SYNM: variants seen among roughly 807,000 people sequenced by gnomAD.
SYNM encodes the protein synemin, also known as desmuslin.
SYNM carries 95 observed loss-of-function variants against 104.0 expected under a neutral mutation model. The observed-to-expected ratio is 0.91, with a 90% confidence interval of 0.77 to 1.08. The LOEUF (loss-of-function observed/expected upper bound fraction) is 1.08, where lower values mean the gene tolerates loss of function less well. SYNM is among the 50% of genes least tolerant of loss of function. The probability of loss-of-function intolerance (pLI) is 0.00; values close to 1 mark genes in which losing one functional copy is unlikely to be tolerated. For synonymous variants in SYNM, 918 were observed against 869.0 expected, an observed-to-expected ratio of 1.06 and a Z score of -0.99; for missense variants, 2,150 against 2,052.2, an observed-to-expected ratio of 1.05 and a Z score of -0.92.
In SYNM at chr15:99,132,372, G is replaced by T; in HGVS notation, c.4012G>T (p.Asp1338Tyr). 1 of 1,613,950 alleles carries T rather than the reference G, an allele frequency of 6.2e-7. No individual in the cohort carries two copies. The highest frequency in any genetic ancestry group is 1.1e-5 in the South Asian group (1 of 91,060). Residue 1338 changes from aspartate to tyrosine, a missense_variant, in exon 4 of 4, where the codon GAC (aspartate) becomes TAC (tyrosine). Physicochemically the swap from Asp to Tyr is radical, Grantham distance 160. Coordinates refer to ENST00000336292, the MANE Select transcript of SYNM (RefSeq NM_145728.3). ...GLVPQLGESG[D>Y]SESTVHGEGS... Reference sequence around the variant, plus strand: ...GGTTCCCCAACTGGGGGAATCTGGTGACTCAGAGAGCACTGTGCACGGAGA... The same window carrying T: ...GGTTCCCCAACTGGGGGAATCTGGTTACTCAGAGAGCACTGTGCACGGAGA...
chr15:99,119,917 C>G (rs1555484349), intron 2 of SYNM, among the ~76,000 whole-genome samples: 1 of 152,228 alleles, frequency 6.6e-6, no homozygotes, highest in Non-Finnish European at 1.5e-5. Flanking sequence ...CATCATCCAT[C>G]TTACTTTCTG....
At chr15:99,107,959 TTTGG>T (rs201315432) in intron 1 of SYNM, among the ~76,000 whole-genome samples, 53,712 of 141,914 alleles carry the variant, frequency 0.38, 9,901 homozygotes, top group African/African-American at 0.53. Context: ...TTGTTTTTTT[TTTGG>T]TTTTGGTTTT....
intron 1 of SYNM, among the ~76,000 whole-genome samples, chr15:99,112,238 T>C (rs1194099338): frequency 1.3e-5 from 2 of 152,226 alleles, no homozygotes; most frequent in Non-Finnish European, 2.9e-5. Flanking sequence ...TCTACAAAGA[T>C]AAATGTTTAT....
rs540148240 is a variant in SYNM, at chr15:99,130,806, G to T, written c.2446G>T (p.Glu816Ter). The stretch of plus-strand genomic sequence containing the variant: ...GCCTCAGGAGAACACGACTCACGTG[G>T]AAGAAGTGACAGAGGCAGGTGATTC... Reference protein sequence around the residue: ...KQPQENTTHVEEVTEAGDSEG... With the variant: ...KQPQENTTHV The change falls in exon 4 of 4, where the codon GAA (glutamate) becomes TAA (stop). Residue 816 changes from glutamate to a stop codon, truncating the protein, a stop_gained. Transcript: ENST00000336292. LOFTEE classifies it high-confidence loss of function. 6.2e-7 allele frequency: 1 copy of T among 1,614,000 alleles called. No individual in the cohort carries two copies. Among genetic ancestry groups the T allele is most frequent in the Non-Finnish European group, 8.5e-7 (1 of 1,179,888 alleles).
Position 99,131,224 on chromosome 15 carries a change from A to G in SYNM, c.2864A>G (p.Gln955Arg). ...CAGCAGCTGGTGGAGGTCATCGGGC[A>G]GCTGGAGGAAACCCTTCCCGAGCGC... ...PRQQLVEVIG[Q>R]LEETLPERMR... The change falls in exon 4 of 4, where the codon CAG (glutamine) becomes CGG (arginine). Residue 955 changes from glutamine (Q) to arginine (R), a missense_variant. Physicochemically the swap from Gln to Arg is conservative, Grantham distance 43. Coordinates refer to ENST00000336292, the MANE Select transcript of SYNM (RefSeq NM_145728.3). This position sits in a 1 kb window ranked among gnomAD's most constrained non-coding sequence, Gnocchi z 4.3. 6.2e-7 allele frequency: 1 copy of G among 1,609,238 alleles called. No homozygotes were observed. Among genetic ancestry groups the G allele is most frequent in the Non-Finnish European group, 8.5e-7 (1 of 1,177,992 alleles).
In SYNM at chr15:99,132,155, C is replaced by T; in HGVS notation, c.3795C>T (p.Leu1265=). ...GTACCCAGACTTCTGTCAGGCAACT[C>T]CAGTTAGGCCCTAAAGAAGGGTTCA... The part of the protein sequence containing the change: ...SVGTQTSVRQ[L]QLGPKEGFSG... Residue 1265 remains leucine, a synonymous_variant, in exon 4 of 4, where the codon CTC becomes CTT. Coordinates refer to ENST00000336292, the MANE Select transcript of SYNM (RefSeq NM_145728.3). 6.2e-7 allele frequency: 1 copy of T among 1,613,934 alleles called. No homozygotes were observed. Among genetic ancestry groups the T allele is most frequent in the South Asian group, 1.1e-5 (1 of 91,082 alleles).
At chr15:99,137,810 A>T, downstream of SYNM, 1 of 786,366 alleles carries the variant, frequency 1.3e-6, no homozygotes, top group East Asian at 2.8e-5. Flanking sequence ...TTTATAGCAT[A>T]TATCACCCTG....
At position 99,105,164 on chromosome 15, in the gene SYNM, G is replaced by A; in HGVS notation, c.-36G>A. 6.4e-7 allele frequency: 1 copy of A among 1,556,318 alleles called. No homozygotes were observed. The highest frequency in any genetic ancestry group is 1.2e-5 in the South Asian group (1 of 85,204). ...CGGGACAAGACCAGGGCAGGAGGGA[G>A]CCGGCCAGCCGCGAGAACCCCGCAC... On this transcript the variant is annotated 5_prime_UTR_variant, in exon 1 of 4. Transcript: ENST00000336292.
chr15:99,138,996 C>T (rs1385114308), downstream of SYNM: 12 of 412,368 alleles, frequency 2.9e-5, no homozygotes, highest in African/African-American at 1.4e-4. Flanking sequence ...AGAGGGAAGC[C>T]GGAAGCAGGG....
Position 99,126,770 on chromosome 15 carries a change from G to A in SYNM, c.984G>A (p.Glu328=), listed in dbSNP as rs1555485069. 1.3e-6 allele frequency: 2 copies of A among 1,577,686 alleles called. No individual in the cohort carries two copies. The highest frequency in any genetic ancestry group is 1.3e-5 in the African/African-American group (1 of 74,272). The part of the protein sequence containing the change: ...ESNPEIVIWA[E]HVENMPSEFR... Reference sequence around the variant, plus strand: ...ATCCAGAGATAGTGATCTGGGCTGAGCACGTTGAAAACATGCCGTCAGGTA... The same window carrying A: ...ATCCAGAGATAGTGATCTGGGCTGAACACGTTGAAAACATGCCGTCAGGTA... The change falls in exon 3 of 4, where the codon GAG becomes GAA. Residue 328 remains glutamate, a synonymous_variant. Coordinates refer to ENST00000336292, the MANE Select transcript of SYNM (RefSeq NM_145728.3).
downstream of SYNM, chr15:99,139,591 A>G (rs2067980899): frequency 6.5e-6 from 10 of 1,536,496 alleles, no homozygotes; most frequent in Non-Finnish European, 8.8e-6. Context: ...GCAAAAGTGA[A>G]CAGTTTTAGC....
chr15:99,105,770 G>T lies in SYNM; in HGVS notation c.571G>T (p.Val191Leu), dbSNP rs112146171. The change falls in exon 1 of 4, where the codon GTG becomes TTG. Residue 191 changes from valine (V) to leucine (L), a missense_variant. Physicochemically the swap from Val to Leu is conservative, Grantham distance 32 (BLOSUM62 1). Coordinates refer to ENST00000336292, the MANE Select transcript of SYNM (RefSeq NM_145728.3). Reference protein sequence around the residue: ...REVHDSYALLVAESWRETVQL... With the variant: ...REVHDSYALLLAESWRETVQL... Reference sequence around the variant, plus strand: ...GGTGCACGACAGCTACGCACTGCTGGTGGCCGAGTCGTGGCGGGAGACGGT... The same window carrying T: ...GGTGCACGACAGCTACGCACTGCTGTTGGCCGAGTCGTGGCGGGAGACGGT... The T allele has an allele frequency of 3.8e-5, 59 of 1,541,826 alleles. No homozygotes were observed. The highest frequency in any genetic ancestry group is 5.0e-5 in the Non-Finnish European group (57 of 1,144,980).
At chr15:99,111,311 A>G (rs58085631) in intron 1 of SYNM, among the ~76,000 whole-genome samples, 19,847 of 152,266 alleles carry the variant, frequency 0.13, 1,617 homozygotes, top group East Asian at 0.44. Flanking sequence ...TGTAATAGTT[A>G]TGTCAAATTT....
chr15:99,107,052 C>T (rs188758066), intron 1 of SYNM, among the ~76,000 whole-genome samples: 201 of 152,280 alleles, frequency 1.3e-3, no homozygotes, highest in Non-Finnish European at 2.3e-3. Flanking sequence ...GTTGATTCTC[C>T]CTGGGTCCCC....
chr15:99,117,297 C>T (rs1315461762), intron 2 of SYNM, among the ~76,000 whole-genome samples: 3 of 152,190 alleles, frequency 2.0e-5, no homozygotes, highest in Non-Finnish European at 2.9e-5. Context: ...GTCTCGTGCC[C>T]GTGGTCATCC....
At chr15:99,139,456 AC>A (rs782072176), downstream of SYNM, 1 of 1,610,908 alleles carries the variant, frequency 6.2e-7, no homozygotes, top group South Asian at 1.1e-5. Flanking sequence ...AGAGCAGGAA[AC>A]TAAGGTCTCC....
chr15:99,126,884 G>A, intron 3 of SYNM, 92 bp downstream of exon 3: 1 of 1,126,874 alleles, frequency 8.9e-7, no homozygotes, highest in Non-Finnish European at 1.2e-6. Context: ...GGGAAGAACG[G>A]GTTAGATATG....
chr15:99,125,996 A>G (rs1342669295), intron 2 of SYNM, among the ~76,000 whole-genome samples: 3 of 152,246 alleles, frequency 2.0e-5, no homozygotes, highest in African/African-American at 4.8e-5. Flanking sequence ...TGGCGCAGAC[A>G]TAGTCAAAGA....
Position 99,133,370 on chromosome 15 carries a change from C to T in SYNM, c.*312C>T. Reference sequence around the variant, plus strand: ...TGCACCTGGTCACAGACATGGCTTGCATCTGTTTGAAACTACAATTAATTA... The same window carrying T: ...TGCACCTGGTCACAGACATGGCTTGTATCTGTTTGAAACTACAATTAATTA... On this transcript the variant is annotated 3_prime_UTR_variant, in exon 4 of 4. Coordinates refer to ENST00000336292, the MANE Select transcript of SYNM (RefSeq NM_145728.3). 3.0e-6 allele frequency: 1 copy of T among 331,366 alleles called. No individual in the cohort carries two copies. The highest frequency in any genetic ancestry group is 5.5e-6 in the Non-Finnish European group (1 of 181,004). 20.5% of individuals were successfully genotyped at this position (331,366 alleles called of 1,614,324 possible).
Sources: allele counts gnomAD v4.1 joint callset (sites outside exome capture counted in the v4.1 genomes callset), GRCh38; gene constraint gnomAD v4.1.1; non-coding constraint Gnocchi (gnomAD v3.1); transcripts MANE v1.5; gene names NCBI Gene and HGNC (gene_info 2026-07-23, HGNC 2026-07-21).